TNFAIP6: variants seen among roughly 807,000 people sequenced by gnomAD.
The protein encoded by TNFAIP6 is tumor necrosis factor-inducible gene 6 protein.
TNFAIP6 carries 36 observed loss-of-function variants against 33.7 expected under a neutral mutation model. The observed-to-expected ratio is 1.07, with a 90% CI of 0.82 to 1.41. The LOEUF (loss-of-function observed/expected upper bound fraction) is 1.41. TNFAIP6 is among the 40% of genes most tolerant of loss of function. The pLI is 0.00. For synonymous variants in TNFAIP6, 113 were observed against 112.8 expected, an observed-to-expected ratio of 1.00 and a Z score of -0.01; for missense variants, 273 against 331.9, an observed-to-expected ratio of 0.82 and a Z score of 1.38.
At chr2:151,368,301 C>T (rs1416044586) in intron 3 of TNFAIP6, 3 of 152,156 alleles carry the variant, frequency 2.0e-5, no homozygotes, top group African/African-American at 7.3e-5. Context: ...GAGTAGTCAC[C>T]AAGCTTGAAC....
intron 1 of TNFAIP6, among the ~76,000 whole-genome samples, chr2:151,359,224 A>C (rs1164825918): frequency 6.6e-6 from 1 of 152,156 alleles, no homozygotes; most frequent in Non-Finnish European, 1.5e-5. Context: ...TGGTTGGATC[A>C]ATATAATCTT....
chr2:151,360,123 C>T (rs1449577262), intron 1 of TNFAIP6, among the ~76,000 whole-genome samples: 1 of 152,044 alleles, frequency 6.6e-6, no homozygotes, highest in Non-Finnish European at 1.5e-5. Flanking sequence ...CATAGAGAAA[C>T]TCTGTCTCTA....
intron 3 of TNFAIP6, among the ~76,000 whole-genome samples, chr2:151,367,659 G>T (rs1400639777): frequency 1.3e-5 from 2 of 152,048 alleles, no homozygotes; most frequent in Admixed American, 6.6e-5. Flanking sequence ...ATTATAAGTT[G>T]CTTTCTTTTC....
At chr2:151,372,335 G>A in intron 4 of TNFAIP6, 1 of 152,100 alleles carries the variant, frequency 6.6e-6, no homozygotes, top group East Asian at 1.9e-4. Flanking sequence ...AGGCTAATTT[G>A]TTATTTCTTG....
intron 4 of TNFAIP6, 70 bp downstream of exon 4, chr2:151,370,318 C>A: frequency 9.0e-7 from 1 of 1,106,862 alleles, no homozygotes; most frequent in Non-Finnish European, 1.4e-6. Context: ...CTTTAATTTT[C>A]CCTCAACTGT....
chr2:151,373,111 A>G (rs1463101919), intron 4 of TNFAIP6, among the ~76,000 whole-genome samples: 3 of 152,054 alleles, frequency 2.0e-5, no homozygotes, highest in African/African-American at 4.8e-5. Flanking sequence ...TGAAGCCAGG[A>G]GTTCAAGACC....
Position 151,358,079 on chromosome 2 carries a change from A to G in TNFAIP6, c.94+319A>G, listed in dbSNP as rs553247267. Among the ~76,000 whole-genome samples the G allele has an allele frequency of 9.8e-5, 15 of 152,338 alleles. No individual in the cohort carries two copies. In the South Asian group the frequency reaches 1.7e-3, roughly 17 times the overall value. ...ACAGTGAGGAGTATTTCTTTAACCA[A>G]CTAGAAACTCCAATATAGTCTTCTG... On this transcript the variant is annotated intron_variant, in intron 1 of 5. Coordinates refer to ENST00000243347, the MANE Select transcript of TNFAIP6 (RefSeq NM_007115.4).
chr2:151,379,357 G>T lies in TNFAIP6; in HGVS notation c.665-7G>T. Reference sequence around the variant, plus strand: ...TCTTTGTTCTTTTGCCTCCTTCCCCGCAACAGGAAATGTCATGACCTTGAA... The same window carrying T: ...TCTTTGTTCTTTTGCCTCCTTCCCCTCAACAGGAAATGTCATGACCTTGAA... On this transcript the variant is annotated splice_region_variant and splice_polypyrimidine_tract_variant and intron_variant, in intron 5 of 5. Coordinates refer to ENST00000243347, the MANE Select transcript of TNFAIP6 (RefSeq NM_007115.4). The T allele has an allele frequency of 1.9e-6, 3 of 1,573,864 alleles. No homozygotes were observed. The highest frequency in any genetic ancestry group is 2.6e-6 in the Non-Finnish European group (3 of 1,166,446).
chr2:151,362,252 A>C lies in TNFAIP6; in HGVS notation c.95-1691A>C, dbSNP rs986963350. On this transcript the variant is annotated intron_variant, in intron 1 of 5. Transcript: ENST00000243347. ...CTCAAAACAATCCATTTAAACAGTG[A>C]TCTATTGGAAGACAACTCATGTATG... Among the ~76,000 whole-genome samples, 2 of 152,162 alleles carry C rather than the reference A, an allele frequency of 1.3e-5. 1 individual carries two copies. The highest frequency in any genetic ancestry group is 4.1e-4 in the South Asian group (2 of 4,834).
chr2:151,364,114 T>G, intron 2 of TNFAIP6, 34 bp downstream of exon 2: 1 of 1,607,138 alleles, frequency 6.2e-7, no homozygotes, highest in Non-Finnish European at 8.5e-7. Flanking sequence ...TCTTCTTTTT[T>G]ATCCTTGGAG....
intron 1 of TNFAIP6, 39 bp from the exon 2 acceptor site, chr2:151,363,904 G>A (rs748222021): frequency 5.0e-6 from 8 of 1,603,382 alleles, no homozygotes; most frequent in Non-Finnish European, 6.8e-6. Context: ...TCCGTAAGAA[G>A]GAACAACAGT....
Position 151,378,622 on chromosome 2 carries a change from G to T in TNFAIP6, c.665-742G>T, listed in dbSNP as rs556623219. ...CCTGCCTCAGCCTCCCGAGGAGCTGGGATTACAGGCACACGCCACCAAGCC... is the reference window on the plus strand; with the variant it reads ...CCTGCCTCAGCCTCCCGAGGAGCTGTGATTACAGGCACACGCCACCAAGCC... On this transcript the variant is annotated intron_variant, in intron 5 of 5. Transcript: ENST00000243347. 2.0e-5 allele frequency among the ~76,000 whole-genome samples: 3 copies of T among 151,804 alleles called. No individual in the cohort carries two copies. The East Asian group carries it at 5.9e-4, about 30-fold the overall frequency.
chr2:151,373,787 C>T (rs1573785405), intron 5 of TNFAIP6, 198 bp downstream of exon 5: 1 of 328,402 alleles, frequency 3.0e-6, no homozygotes, highest in Non-Finnish European at 5.5e-6. Context: ...ACTGCTTGCA[C>T]TAAAAAATGT....
intron 1 of TNFAIP6, among the ~76,000 whole-genome samples, chr2:151,363,650 A>T (rs781050845): frequency 6.6e-6 from 1 of 152,060 alleles, no homozygotes; most frequent in Non-Finnish European, 1.5e-5. Flanking sequence ...AGACAGAGAG[A>T]CTCCGTCTCA....
Position 151,379,532 on chromosome 2 carries a change from A to T in TNFAIP6, c.833A>T (p.Ter278LeuextTer6), listed in dbSNP as rs770909635. The T allele has an allele frequency of 2.6e-5, 2 of 76,208 alleles. No homozygotes were observed. Among genetic ancestry groups the T allele is most frequent in the Non-Finnish European group, 4.9e-5 (2 of 40,906 alleles). 4.7% of individuals were successfully genotyped at this position (76,208 alleles called of 1,614,324 possible). A position where few individuals can be genotyped will look rare whatever the true frequency, so the allele number is the denominator to read the frequency against. The change falls in exon 6 of 6, where the codon TAA (stop) becomes TTA (leucine). Residue 278 changes from the stop codon to leucine (L), a stop_lost. Transcript: ENST00000243347. ...TTAGCTGGAAGATTTAGCCACTTAT[A>T]AAAAAAAAAAAAAGGATGATCAAAA... ...NFLAGRFSHL[*>L]
At chr2:151,376,433 A>AAG (rs1291097451) in intron 5 of TNFAIP6, among the ~76,000 whole-genome samples, 1 of 142,346 alleles carries the variant, frequency 7.0e-6, no homozygotes, top group Non-Finnish European at 1.5e-5. Context: ...AAAAAAAAAA[A>AAG]AAAGAAAGAA....
At chr2:151,371,054 G>A (rs1684808643) in intron 4 of TNFAIP6, among the ~76,000 whole-genome samples, 1 of 151,554 alleles carries the variant, frequency 6.6e-6, no homozygotes, top group Non-Finnish European at 1.5e-5. Context: ...CTGGGTGACA[G>A]AGCAAGACTC....
intron 1 of TNFAIP6, among the ~76,000 whole-genome samples, chr2:151,361,485 T>A (rs1684623108): frequency 6.6e-6 from 1 of 152,222 alleles, no homozygotes; most frequent in African/African-American, 2.4e-5. Context: ...TTTACAAAAT[T>A]TGTTTTCAAA....
intron 5 of TNFAIP6, among the ~76,000 whole-genome samples, chr2:151,376,225 A>G (rs1166759696): frequency 3.3e-5 from 5 of 152,190 alleles, no homozygotes; most frequent in Admixed American, 3.3e-4. Context: ...TAGCCTGGGC[A>G]ACAAAGTAAG....
Sources: allele counts gnomAD v4.1 joint callset (sites outside exome capture counted in the v4.1 genomes callset), GRCh38; gene constraint gnomAD v4.1.1; transcripts MANE v1.5; gene names NCBI Gene and HGNC (gene_info 2026-07-23, HGNC 2026-07-21).